Variants in CNTN3 observed in about 807,000 individuals in gnomAD.
The protein encoded by CNTN3 is contactin-3.
A neutral mutation model predicts 119.1 loss-of-function variants in CNTN3; 60 were observed. The ratio of observed to expected loss-of-function variants is 0.50; its 90% CI spans 0.41 to 0.62. The LOEUF is 0.62. CNTN3 is among the 20% of genes least tolerant of loss of function. The pLI is 0.00. For missense variants in CNTN3, 1,101 were observed against 1,242.4 expected (o/e 0.89, Z 1.71); for synonymous variants, 450 against 438.7 (o/e 1.03, Z -0.32).
chr3:74,588,552 T>C (rs965938914), intron 1 of CNTN3, among the ~76,000 whole-genome samples: 12 of 152,080 alleles, frequency 7.9e-5, no homozygotes, highest in African/African-American at 2.2e-4. Flanking sequence ...ATAGATTCAA[T>C]GCCATCCCCA....
chr3:74,377,799 T>C (rs976761365), intron 5 of CNTN3, among the ~76,000 whole-genome samples: 2 of 152,236 alleles, frequency 1.3e-5, no homozygotes, highest in Non-Finnish European at 2.9e-5. Flanking sequence ...CCTCTAGCTA[T>C]ATTCCTTCCC....
intron 1 of CNTN3, among the ~76,000 whole-genome samples, chr3:74,607,419 T>C (rs60137415): frequency 1.3e-5 from 2 of 152,334 alleles, no homozygotes; most frequent in African/African-American, 4.8e-5. Flanking sequence ...AAAGTGACTA[T>C]TTCTATGCAA....
chr3:74,591,016 C>A (rs1235952693), intron 1 of CNTN3, among the ~76,000 whole-genome samples: 1 of 151,888 alleles, frequency 6.6e-6, no homozygotes, highest in Non-Finnish European at 1.5e-5. Flanking sequence ...TATCTTATTT[C>A]CCTGAAATCC....
chr3:74,447,842 T>C (rs1702076763), intron 4 of CNTN3, among the ~76,000 whole-genome samples: 2 of 152,186 alleles, frequency 1.3e-5, no homozygotes, highest in South Asian at 4.1e-4. Flanking sequence ...AATTGCTCTA[T>C]GTAAAAACAT....
At chr3:74,607,022 C>A (rs555625854) in intron 1 of CNTN3, among the ~76,000 whole-genome samples, 1 of 152,208 alleles carries the variant, frequency 6.6e-6, no homozygotes, top group Admixed American at 6.5e-5. Flanking sequence ...GCTCACATTT[C>A]AAAACCATAC....
At chr3:74,554,130 G>T (rs1042355434) in intron 1 of CNTN3, among the ~76,000 whole-genome samples, 2 of 152,044 alleles carry the variant, frequency 1.3e-5, no homozygotes, top group African/African-American at 4.8e-5. Flanking sequence ...TCAGTTTTCT[G>T]CATATGGCTA....
intron 11 of CNTN3, among the ~76,000 whole-genome samples, chr3:74,346,954 T>A (rs1703705892): frequency 6.6e-6 from 1 of 152,190 alleles, no homozygotes; most frequent in African/African-American, 2.4e-5. Context: ...TAAATTAAAC[T>A]GGAAAATTAT....
At chr3:74,406,715 A>C (rs1705332107) in intron 5 of CNTN3, among the ~76,000 whole-genome samples, 1 of 152,112 alleles carries the variant, frequency 6.6e-6, no homozygotes, top group African/African-American at 2.4e-5. Context: ...GCAAATCTAC[A>C]ATTTCACCAA....
chr3:74,512,290 TCTTC>T (rs1425454136), intron 2 of CNTN3, among the ~76,000 whole-genome samples: 8 of 152,162 alleles, frequency 5.3e-5, no homozygotes, highest in African/African-American at 1.7e-4. Context: ...ATTGTCGTTA[TCTTC>T]ATGGTAGTTG....
intron 1 of CNTN3, among the ~76,000 whole-genome samples, chr3:74,559,184 G>A (rs955526459): frequency 6.6e-6 from 1 of 152,006 alleles, no homozygotes; most frequent in Non-Finnish European, 1.5e-5. Context: ...ACTTTACAAA[G>A]TTTCCTTGTC....
chr3:74,515,932 C>T (rs1406115889), intron 2 of CNTN3, among the ~76,000 whole-genome samples: 1 of 151,732 alleles, frequency 6.6e-6, no homozygotes, highest in Non-Finnish European at 1.5e-5. Flanking sequence ...TCAGTGCACA[C>T]CCAGGTCTTT....
At chr3:74,328,975 T>C (rs1489933310) in intron 13 of CNTN3, among the ~76,000 whole-genome samples, 2 of 152,322 alleles carry the variant, frequency 1.3e-5, no homozygotes, top group East Asian at 3.9e-4. Flanking sequence ...AACGGGGATA[T>C]GCTTAAAAAC....
chr3:74,608,986 G>A (rs1265299438), intron 1 of CNTN3, among the ~76,000 whole-genome samples: 1 of 152,180 alleles, frequency 6.6e-6, no homozygotes, highest in East Asian at 1.9e-4. Flanking sequence ...TTGACAAATG[G>A]TAAGGTTGGA....
At chr3:74,418,167 T>A (rs1328197021) in intron 5 of CNTN3, among the ~76,000 whole-genome samples, 1 of 152,034 alleles carries the variant, frequency 6.6e-6, no homozygotes, top group African/African-American at 2.4e-5. Flanking sequence ...GCAAATGTGA[T>A]GGGAGCCAGA....
chr3:74,353,383 C>A (rs1304171116), intron 11 of CNTN3, among the ~76,000 whole-genome samples: 1 of 152,180 alleles, frequency 6.6e-6, no homozygotes, highest in African/African-American at 2.4e-5. Flanking sequence ...CAGTTAGGAG[C>A]ATTTCTTGAG....
At chr3:74,291,791 C>A (rs1245867311) in intron 19 of CNTN3, among the ~76,000 whole-genome samples, 2 of 152,156 alleles carry the variant, frequency 1.3e-5, no homozygotes, top group African/African-American at 4.8e-5. Context: ...CCAAAGCCCC[C>A]AAGATCACTT....
At chr3:74,285,714 T>G (rs926273310) in intron 19 of CNTN3, among the ~76,000 whole-genome samples, 8 of 141,166 alleles carry the variant, frequency 5.7e-5, no homozygotes, top group African/African-American at 2.0e-4. Context: ...AATAAATATA[T>G]GAACCAGATA....
intron 5 of CNTN3, among the ~76,000 whole-genome samples, chr3:74,389,325 T>C (rs1356547670): frequency 6.6e-6 from 1 of 152,184 alleles, no homozygotes; most frequent in East Asian, 1.9e-4. Context: ...ACAGGTATTC[T>C]CCTTTTTTCA....
chr3:74,445,796 C>A (rs1702039397), intron 4 of CNTN3, among the ~76,000 whole-genome samples: 1 of 152,158 alleles, frequency 6.6e-6, no homozygotes, highest in Non-Finnish European at 1.5e-5. Flanking sequence ...AAACATTCTT[C>A]ATTGGTGTTT....
Sources: gnomAD v4.1 joint callset for allele counts (sites outside exome capture counted in the v4.1 genomes callset) on GRCh38, gnomAD v4.1.1 for gene constraint, MANE v1.5 for transcripts, NCBI Gene and HGNC (gene_info 2026-07-23, HGNC 2026-07-21) for gene names.